The following SAMD12 variants were observed in gnomAD, a reference collection of about 807,000 sequenced individuals.
The protein encoded by SAMD12 is sterile alpha motif domain-containing protein 12.
SAMD12 carries 9 observed loss-of-function variants against 15.0 expected under a neutral mutation model. The ratio of observed to expected loss-of-function variants is 0.60; its 90% CI spans 0.36 to 1.05. The LOEUF (loss-of-function observed/expected upper bound fraction) is 1.05, where lower values mean the gene tolerates loss of function less well. Ranked by LOEUF, SAMD12 falls within the 50% of genes least tolerant of loss-of-function variation. The pLI, the probability that SAMD12 is intolerant of heterozygous loss-of-function variation, is 0.01. For synonymous variants in SAMD12, 86 were observed against 90.1 expected (o/e 0.96, Z 0.25); for missense variants, 230 against 234.2 (o/e 0.98, Z 0.12).
intron 3 of SAMD12, among the ~76,000 whole-genome samples, chr8:118,397,989 A>G (rs1221897442): frequency 6.6e-6 from 1 of 152,128 alleles, no homozygotes; most frequent in Non-Finnish European, 1.5e-5. Context: ...GGGTTTCACC[A>G]TGTTGCCCAG....
At chr8:118,316,654 T>C (rs1286610911) in intron 4 of SAMD12, among the ~76,000 whole-genome samples, 1 of 151,746 alleles carries the variant, frequency 6.6e-6, no homozygotes, top group Non-Finnish European at 1.5e-5. Context: ...CTGGAAGGAG[T>C]GTTAACTGGT....
intron 1 of SAMD12, among the ~76,000 whole-genome samples, chr8:118,610,641 C>T (rs1024341753): frequency 6.6e-6 from 1 of 152,194 alleles, no homozygotes; most frequent in African/African-American, 2.4e-5. Context: ...CTTGTGTTTA[C>T]TCAACAAATA....
intron 1 of SAMD12, among the ~76,000 whole-genome samples, chr8:118,616,104 C>G (rs1438382819): frequency 6.6e-6 from 1 of 152,138 alleles, no homozygotes; most frequent in African/African-American, 2.4e-5. Flanking sequence ...AAAAAAAGAT[C>G]CTCAGGAATA....
chr8:118,500,520 T>C (rs960071361), intron 2 of SAMD12, among the ~76,000 whole-genome samples: 2 of 150,920 alleles, frequency 1.3e-5, no homozygotes, highest in African/African-American at 4.9e-5. Flanking sequence ...AAATCAGTTG[T>C]TCCTGCCAGG....
intron 3 of SAMD12, among the ~76,000 whole-genome samples, chr8:118,392,096 T>C (rs1820306645): frequency 6.6e-6 from 1 of 152,212 alleles, no homozygotes; most frequent in African/African-American, 2.4e-5. Flanking sequence ...TCTCTCCCCA[T>C]GTTGTGCTGA....
chr8:118,396,283 T>A (rs1397674879), intron 3 of SAMD12, among the ~76,000 whole-genome samples: 1 of 152,164 alleles, frequency 6.6e-6, no homozygotes, highest in African/African-American at 2.4e-5. Context: ...GAGTTTTCTA[T>A]GTGAAAGTTA....
At chr8:118,535,130 T>G (rs1825801908) in intron 2 of SAMD12, among the ~76,000 whole-genome samples, 1 of 152,230 alleles carries the variant, frequency 6.6e-6, no homozygotes, top group African/African-American at 2.4e-5. Flanking sequence ...GGTTTTGGTG[T>G]GGATGTCCTT....
the SAMD12 span, among the ~76,000 whole-genome samples, chr8:118,133,943 T>C: frequency 6.6e-6 from 1 of 152,232 alleles, no homozygotes; most frequent in Non-Finnish European, 1.5e-5. Context: ...CTTGATAATA[T>C]CACAAGGGAA....
intron 2 of SAMD12, among the ~76,000 whole-genome samples, chr8:118,538,652 C>G (rs1285982843): frequency 6.6e-6 from 1 of 152,156 alleles, no homozygotes; most frequent in Non-Finnish European, 1.5e-5. Flanking sequence ...GTGGTGTAGG[C>G]AATTCAAGAC....
the SAMD12 span, among the ~76,000 whole-genome samples, chr8:118,173,272 G>A: frequency 1.3e-5 from 2 of 152,110 alleles, no homozygotes; most frequent in Admixed American, 6.5e-5. Flanking sequence ...CGTGTTAGGT[G>A]TTGTCAGACT....
chr8:118,205,800 G>T (rs995752380), intron 4 of SAMD12, among the ~76,000 whole-genome samples: 1 of 152,092 alleles, frequency 6.6e-6, no homozygotes, highest in Non-Finnish European at 1.5e-5. Flanking sequence ...CCTTTCTCTG[G>T]GGAGTTTTGA....
the SAMD12 span, among the ~76,000 whole-genome samples, chr8:118,138,605 C>G: frequency 1.4e-4 from 22 of 152,324 alleles, no homozygotes; most frequent in East Asian, 4.1e-3. Flanking sequence ...ATAAATTTCT[C>G]TTGTTTGTAA....
chr8:118,215,511 T>C (rs901187286), intron 4 of SAMD12, among the ~76,000 whole-genome samples: 3 of 152,130 alleles, frequency 2.0e-5, no homozygotes, highest in African/African-American at 4.8e-5. Flanking sequence ...ATGTGCACAT[T>C]GTGCAGGTTA....
intron 2 of SAMD12, among the ~76,000 whole-genome samples, chr8:118,448,230 T>A (rs1474367434): frequency 6.6e-6 from 1 of 152,196 alleles, no homozygotes; most frequent in Non-Finnish European, 1.5e-5. Context: ...CAATAAGTCC[T>A]ATCCTGATCT....
At chr8:118,357,248 A>AT (rs893703265) in intron 4 of SAMD12, among the ~76,000 whole-genome samples, 2 of 152,066 alleles carry the variant, frequency 1.3e-5, no homozygotes, top group Non-Finnish European at 2.9e-5. Context: ...TTTTATTTAT[A>AT]TTTTTTTCAG....
At chr8:118,334,970 C>G (rs532696470) in intron 4 of SAMD12, among the ~76,000 whole-genome samples, 55 of 152,256 alleles carry the variant, frequency 3.6e-4, no homozygotes, top group African/African-American at 1.3e-3. Context: ...ATTTTCTCAG[C>G]GAGTCCCACT....
chr8:118,227,785 C>T (rs547797981), intron 4 of SAMD12, among the ~76,000 whole-genome samples: 26 of 152,184 alleles, frequency 1.7e-4, no homozygotes, highest in South Asian at 1.2e-3. Flanking sequence ...TAAGAGAAAG[C>T]GAAGTGACCC....
chr8:118,460,257 G>A (rs10110848), intron 2 of SAMD12, among the ~76,000 whole-genome samples: 2,736 of 152,194 alleles, frequency 0.018, 85 homozygotes, highest in African/African-American at 0.061. Context: ...ACTGTTTGAT[G>A]GGTAAAGTAT....
At chr8:118,170,769 G>C in the SAMD12 span, among the ~76,000 whole-genome samples, 2 of 152,162 alleles carry the variant, frequency 1.3e-5, no homozygotes, top group South Asian at 4.2e-4. Flanking sequence ...CCTTGGCTAG[G>C]CAATGGTTTG....
Sources: gnomAD v4.1 joint callset for allele counts (sites outside exome capture counted in the v4.1 genomes callset) on GRCh38, gnomAD v4.1.1 for gene constraint, MANE v1.5 for transcripts, NCBI Gene and HGNC (gene_info 2026-07-23, HGNC 2026-07-21) for gene names.